The following PARD3B variants were observed in gnomAD, a reference collection of about 807,000 sequenced individuals.
PARD3B encodes the protein par-3 family cell polarity regulator beta, also known as partitioning defective 3 homolog B.
A neutral mutation model predicts 130.2 loss-of-function variants in PARD3B; 103 were observed. The observed-to-expected ratio is 0.79, with a 90% CI of 0.67 to 0.93. The LOEUF (loss-of-function observed/expected upper bound fraction) is 0.93, where lower values mean the gene tolerates loss of function less well. Among genes scored for constraint, PARD3B ranks in the 40% least tolerant of loss-of-function variants. The probability of loss-of-function intolerance (pLI) is 0.00; values close to 1 mark genes in which losing one functional copy is unlikely to be tolerated. For missense variants in PARD3B, 1,609 were observed against 1,499.2 expected, an observed-to-expected ratio of 1.07 and a Z score of -1.21; for synonymous variants, 583 against 553.2, an observed-to-expected ratio of 1.05 and a Z score of -0.76.
chr2:205,301,687 C>T lies in PARD3B; in HGVS notation c.2616C>T (p.Phe872=), dbSNP rs200865870. ...AAAGGAAAATAAAGAAGAAGGGCTT[C>T]GGCGCCATGCTGAGGTATGGGCCTG... ...DPERKIKKKG[F]GAMLRFGKKK... is the part of the protein sequence containing the mutation. The change falls in exon 18 of 23, where the codon TTC becomes TTT. Residue 872 remains phenylalanine (F), a synonymous_variant. Transcript: ENST00000406610. This position sits in a 1 kb window ranked among gnomAD's most constrained non-coding sequence, Gnocchi z 5.2. 40 of 1,613,948 alleles carry T rather than the reference C, an allele frequency of 2.5e-5. No individual in the cohort carries two copies. The highest frequency in any genetic ancestry group is 1.1e-4 in the South Asian group (10 of 91,064).
Position 205,473,045 on chromosome 2 carries a change from A to T in PARD3B, c.3045-26851A>T, listed in dbSNP as rs754088010. ...AATAGAAGTTGAAGTGGTCCATTTGAGCTAGAAGCTTGGCAATTTTACAAA... is the reference window on the plus strand; with the variant it reads ...AATAGAAGTTGAAGTGGTCCATTTGTGCTAGAAGCTTGGCAATTTTACAAA... On this transcript the variant is annotated intron_variant, in intron 20 of 22. Transcript: ENST00000406610. This position sits in a 1 kb window ranked among gnomAD's most constrained non-coding sequence, Gnocchi z 4.9. 1.1e-4 allele frequency among the ~76,000 whole-genome samples: 17 copies of T among 152,288 alleles called. No individual in the cohort carries two copies. Among genetic ancestry groups the T allele is most frequent in the Non-Finnish European group, 1.9e-4 (13 of 67,994 alleles).
chr2:204,704,266 A>C (rs1224494077), intron 2 of PARD3B, among the ~76,000 whole-genome samples: 1 of 152,174 alleles, frequency 6.6e-6, no homozygotes, highest in African/African-American at 2.4e-5. Flanking sequence ...GTTTGGATTC[A>C]TACAGATGCT....
At chr2:204,955,099 C>T (rs1690124985) in intron 2 of PARD3B, among the ~76,000 whole-genome samples, 1 of 152,166 alleles carries the variant, frequency 6.6e-6, no homozygotes, top group South Asian at 2.1e-4. Context: ...ATTGCTTACT[C>T]ATTAATCCAC....
chr2:204,807,089 G>A (rs1384267685), intron 2 of PARD3B, among the ~76,000 whole-genome samples: 1 of 152,104 alleles, frequency 6.6e-6, no homozygotes, highest in Non-Finnish European at 1.5e-5. Flanking sequence ...CAGGGGAACT[G>A]CCCTTTATAA....
chr2:205,054,221 A>G (rs1699432513), intron 4 of PARD3B, among the ~76,000 whole-genome samples: 1 of 151,556 alleles, frequency 6.6e-6, no homozygotes, highest in South Asian at 2.1e-4. Context: ...TGTTAAAACA[A>G]ATCTGGATTG....
chr2:205,396,589 A>AT (rs2046039266), intron 18 of PARD3B, among the ~76,000 whole-genome samples: 2 of 152,342 alleles, frequency 1.3e-5, no homozygotes, highest in African/African-American at 4.8e-5. Context: ...TACAAAAAAG[A>AT]TCCATCATAA....
At chr2:205,554,936 G>A (rs145398275) in intron 22 of PARD3B, among the ~76,000 whole-genome samples, 1,738 of 152,216 alleles carry the variant, frequency 0.011, 21 homozygotes, top group Non-Finnish European at 0.017. Context: ...GCTGGGGTGC[G>A]GGAGGTGCAG....
At position 205,563,833 on chromosome 2, in the gene PARD3B, G is replaced by A. The variant is rs1361156682; in HGVS notation, c.3260+10430G>A. 6.6e-6 allele frequency among the ~76,000 whole-genome samples: 1 copy of A among 152,118 alleles called. No homozygotes were observed. The highest frequency in any genetic ancestry group is 2.4e-5 in the African/African-American group (1 of 41,428). On this transcript the variant is annotated intron_variant, in intron 22 of 22. Transcript: ENST00000406610. The surrounding 1 kb of genome is among the most constrained non-coding windows in gnomAD (Gnocchi z 4.2). ...CTGTTGGGAACATACACAGAGATGTGAGTGGCGCCCCCTAGGGCTGCACAG... is the reference window on the plus strand; with the variant it reads ...CTGTTGGGAACATACACAGAGATGTAAGTGGCGCCCCCTAGGGCTGCACAG...
chr2:205,500,219 G>A (rs756860748), intron 21 of PARD3B, among the ~76,000 whole-genome samples, 188 bp downstream of exon 21: 3 of 152,112 alleles, frequency 2.0e-5, no homozygotes, highest in Non-Finnish European at 2.9e-5. Context: ...ATCAAACGCC[G>A]TGAACGTGCA....
chr2:204,944,467 A>G (rs1689154811), intron 2 of PARD3B, among the ~76,000 whole-genome samples: 1 of 152,206 alleles, frequency 6.6e-6, no homozygotes, highest in Admixed American at 6.5e-5. Flanking sequence ...TTCCACAGGC[A>G]TGAAAGCTTC....
intron 4 of PARD3B, among the ~76,000 whole-genome samples, chr2:205,057,361 GTATATGTGTTATATA>G (rs1559396538): frequency 4.5e-4 from 43 of 95,504 alleles, no homozygotes; most frequent in African/African-American, 1.1e-3. Flanking sequence ...ATATATACAT[GTATATGTGTTATATA>G]CATATACATA....
intron 18 of PARD3B, among the ~76,000 whole-genome samples, chr2:205,319,120 G>A (rs970356406): frequency 1.3e-5 from 2 of 152,082 alleles, no homozygotes; most frequent in East Asian, 1.9e-4. Context: ...AGCCTCTCCC[G>A]TGACCTTGGC....
At chr2:204,891,910 C>T (rs1190008156) in intron 2 of PARD3B, among the ~76,000 whole-genome samples, 6 of 151,988 alleles carry the variant, frequency 3.9e-5, no homozygotes, top group South Asian at 2.1e-4. Context: ...TAGGATGCCC[C>T]GAAGGTAGTC....
At chr2:205,009,670 CAAAA>C (rs11305876) in intron 3 of PARD3B, among the ~76,000 whole-genome samples, 1 of 128,500 alleles carries the variant, frequency 7.8e-6, no homozygotes. Flanking sequence ...GACTCCGTCT[CAAAA>C]AAAAAAAAAA....
chr2:204,827,147 T>A (rs1282578342), intron 2 of PARD3B, among the ~76,000 whole-genome samples: 2 of 152,228 alleles, frequency 1.3e-5, no homozygotes, highest in Non-Finnish European at 2.9e-5. Context: ...AAAATGTGAC[T>A]GTCATTATTT....
intron 1 of PARD3B, among the ~76,000 whole-genome samples, chr2:204,561,436 T>G (rs1164950889): frequency 6.6e-6 from 1 of 152,156 alleles, no homozygotes; most frequent in African/African-American, 2.4e-5. Flanking sequence ...CTGAGTGGAC[T>G]TTCTTGCCCT....
intron 4 of PARD3B, among the ~76,000 whole-genome samples, chr2:205,066,351 C>T (rs183896364): frequency 1.3e-5 from 2 of 152,248 alleles, no homozygotes; most frequent in Non-Finnish European, 2.9e-5. Flanking sequence ...TGCCTTTTTC[C>T]TGAAAGTTAG....
At chr2:204,699,963 A>T (rs554513409) in intron 2 of PARD3B, among the ~76,000 whole-genome samples, 1 of 152,268 alleles carries the variant, frequency 6.6e-6, no homozygotes, top group East Asian at 1.9e-4. Context: ...ATATGTATAT[A>T]CACTAACAGA....
intron 21 of PARD3B, among the ~76,000 whole-genome samples, chr2:205,533,712 G>A (rs1246425972): frequency 6.6e-6 from 1 of 151,846 alleles, no homozygotes; most frequent in African/African-American, 2.4e-5. Flanking sequence ...AACATTCAAT[G>A]GTTTTGGGGG....
Sources: gnomAD v4.1 joint callset for allele counts (sites outside exome capture counted in the v4.1 genomes callset) on GRCh38, gnomAD v4.1.1 for gene constraint, Gnocchi (gnomAD v3.1) non-coding constraint, MANE v1.5 for transcripts, NCBI Gene and HGNC (gene_info 2026-07-23, HGNC 2026-07-21) for gene names.